Variants in RAB3D observed in about 807,000 individuals in gnomAD.
RAB3D encodes RAB3D, member RAS oncogene family.
Under a neutral mutation model 19.3 loss-of-function variants are expected in RAB3D, and 17 were observed. The ratio of observed to expected loss-of-function variants is 0.88; its 90% CI spans 0.60 to 1.32. RAB3D has a LOEUF of 1.32. Ranked by LOEUF, RAB3D falls within the 40% of genes most tolerant of loss-of-function variation. The probability of loss-of-function intolerance (pLI) is 0.00; values close to 1 mark genes in which losing one functional copy is unlikely to be tolerated. For synonymous variants in RAB3D, 103 were observed against 119.9 expected (o/e 0.86, Z 0.92); for missense variants, 223 against 299.1 (o/e 0.75, Z 1.88).
At position 11,336,999 on chromosome 19, in the gene RAB3D, C is replaced by G. The variant is rs548416513; in HGVS notation, c.228+173G>C. Among the ~76,000 whole-genome samples, 453 of 149,956 alleles carry G rather than the reference C, an allele frequency of 3.0e-3. 9 individuals are homozygous for G. Among genetic ancestry groups the G allele is most frequent in the African/African-American group, 0.011 (441 of 40,744 alleles). On this transcript the variant is annotated intron_variant, in intron 2 of 4. Coordinates refer to ENST00000222120, the MANE Select transcript of RAB3D (RefSeq NM_004283.4). ...GAAAAAAAAAAAAAAAAGGTCGAGG[C>G]AGGAGAATCGCTTGAACCCAGGAGA...
chr19:11,331,952 C>A (rs900528141), intron 4 of RAB3D, among the ~76,000 whole-genome samples: 1 of 152,142 alleles, frequency 6.6e-6, no homozygotes, highest in Admixed American at 6.6e-5. Context: ...ATAGATGATT[C>A]AAGATTGAAA....
Position 11,324,490 on chromosome 19 carries a change from A to G in RAB3D, c.*908T>C, listed in dbSNP as rs1330418027. ...GATTGGGCAAGAACTTGCTTAAAAC[A>G]CAACCAGCTAAACAGCTAAACAGGG... On this transcript the variant is annotated 3_prime_UTR_variant, in exon 5 of 5. Transcript: ENST00000222120. 7.3e-6 allele frequency: 1 copy of G among 136,840 alleles called. No individual in the cohort carries two copies. The highest frequency in any genetic ancestry group is 3.7e-5 in the African/African-American group (1 of 27,392). 8.5% of individuals were successfully genotyped at this position (136,840 alleles called of 1,614,324 possible). A position where few individuals can be genotyped will look rare whatever the true frequency, so the allele number is the denominator to read the frequency against.
intron 4 of RAB3D, among the ~76,000 whole-genome samples, chr19:11,332,794 T>TA (rs1213630662): frequency 6.6e-6 from 1 of 151,744 alleles, no homozygotes; most frequent in Non-Finnish European, 1.5e-5. Context: ...GTTATTTTTT[T>TA]AAAAAAGTGT....
In RAB3D at chr19:11,325,095, G is replaced by GT. The variant is rs1005682157; in HGVS notation, c.*302dup. 4.5e-5 allele frequency: 13 copies of GT among 288,092 alleles called. No individual in the cohort carries two copies. The Admixed American group carries it at 5.6e-4, about 12-fold the overall frequency. The allele number at this position is 288,092 out of a possible 1,614,324, so 17.8% of individuals were successfully genotyped here. A position where few individuals can be genotyped will look rare whatever the true frequency, so the allele number is the denominator to read the frequency against. ...GCCCCTCCATCAGAAAGAGTGGGACGTGTCACCCATGGCCACCCTCAACAC... is the reference window on the plus strand; with the variant it reads ...GCCCCTCCATCAGAAAGAGTGGGACGTTGTCACCCATGGCCACCCTCAACAC... On this transcript the variant is annotated 3_prime_UTR_variant, in exon 5 of 5. Coordinates refer to ENST00000222120, the MANE Select transcript of RAB3D (RefSeq NM_004283.4).
At chr19:11,330,731 T>C (rs954978409) in intron 4 of RAB3D, among the ~76,000 whole-genome samples, 1 of 152,078 alleles carries the variant, frequency 6.6e-6, no homozygotes, top group Non-Finnish European at 1.5e-5. Context: ...TTTGTATTTT[T>C]AGTAGAGACG....
intron 1 of RAB3D, among the ~76,000 whole-genome samples, chr19:11,337,838 T>A (rs911970993): frequency 1.3e-5 from 2 of 151,786 alleles, no homozygotes; most frequent in African/African-American, 2.4e-5. Context: ...CAGGCTAATT[T>A]AAAAAAAATT....
At position 11,324,592 on chromosome 19, in the gene RAB3D, T is replaced by TGCTAGGGGTTGG. The variant is rs1313309664; in HGVS notation, c.*794_*805dup. ...TCTGGCCGAAAGCCCAGAGCCGGAGTGCTAGGGGTTGGGCGAATCTCTGCC... is the reference window on the plus strand; with the variant it reads ...TCTGGCCGAAAGCCCAGAGCCGGAGTGCTAGGGGTTGGGCTAGGGGTTGGGCGAATCTCTGCC... On this transcript the variant is annotated 3_prime_UTR_variant, in exon 5 of 5. Transcript: ENST00000222120. 1 of 152,222 alleles carries TGCTAGGGGTTGG rather than the reference T, an allele frequency of 6.6e-6. No individual in the cohort carries two copies. 9.4% of individuals were successfully genotyped at this position (152,222 alleles called of 1,614,324 possible).
intron 4 of RAB3D, among the ~76,000 whole-genome samples, chr19:11,335,132 G>C (rs2080847660): frequency 6.6e-6 from 1 of 152,170 alleles, no homozygotes; most frequent in African/African-American, 2.4e-5. Flanking sequence ...TGAGACACCT[G>C]GGGGGGATCT....
chr19:11,331,819 A>T (rs1204402432), intron 4 of RAB3D, among the ~76,000 whole-genome samples: 1 of 151,904 alleles, frequency 6.6e-6, no homozygotes, highest in Non-Finnish European at 1.5e-5. Flanking sequence ...TCTATTATTT[A>T]AAAAACGACG....
intron 4 of RAB3D, among the ~76,000 whole-genome samples, chr19:11,333,766 T>C (rs2080843020): frequency 1.3e-5 from 2 of 151,774 alleles, no homozygotes; most frequent in Admixed American, 1.3e-4. Context: ...TGATATCGGC[T>C]CACTGCAGCC....
At chr19:11,336,410 G>A (rs1337207513) in intron 2 of RAB3D, among the ~76,000 whole-genome samples, 7 of 152,068 alleles carry the variant, frequency 4.6e-5, no homozygotes, top group Non-Finnish European at 7.4e-5. Context: ...CTGGGCTCAA[G>A]CAATCCTCTT....
In RAB3D at chr19:11,324,779, C is replaced by G. The variant is rs914382496; in HGVS notation, c.*619G>C. ...CGGGGGGTTGAGGGGATCTGACTCCCTGTCCCTTCTACAATGGGAAAAGGC... is the reference window on the plus strand; with the variant it reads ...CGGGGGGTTGAGGGGATCTGACTCCGTGTCCCTTCTACAATGGGAAAAGGC... On this transcript the variant is annotated 3_prime_UTR_variant, in exon 5 of 5. Coordinates refer to ENST00000222120, the MANE Select transcript of RAB3D (RefSeq NM_004283.4). The G allele has an allele frequency of 1.3e-5, 2 of 152,644 alleles. No homozygotes were observed. The highest frequency in any genetic ancestry group is 2.9e-5 in the Non-Finnish European group (2 of 68,094). 9.5% of individuals were successfully genotyped at this position (152,644 alleles called of 1,614,324 possible). A position where few individuals can be genotyped will look rare whatever the true frequency, so the allele number is the denominator to read the frequency against.
intron 4 of RAB3D, 86 bp from the exon 5 acceptor site, chr19:11,325,671 C>A (rs2080808567): frequency 1.4e-5 from 18 of 1,301,458 alleles, no homozygotes; most frequent in Non-Finnish European, 1.6e-5. Flanking sequence ...GGCTTCTAAG[C>A]CTAGTTCTGC....
intron 4 of RAB3D, among the ~76,000 whole-genome samples, chr19:11,329,633 A>C (rs2080828966): frequency 6.6e-6 from 1 of 151,896 alleles, no homozygotes; most frequent in Non-Finnish European, 1.5e-5. Flanking sequence ...ACAAAAGAAA[A>C]GAAAAAAAAA....
In RAB3D at chr19:11,324,389, T is replaced by A. The variant is rs1358743933; in HGVS notation, c.*1009A>T. ...CCCCCTCAAGTCGGAGCCCAGGTGCTTACATCAGAAAGTCGCCGACAACTG... is the reference window on the plus strand; with the variant it reads ...CCCCCTCAAGTCGGAGCCCAGGTGCATACATCAGAAAGTCGCCGACAACTG... On this transcript the variant is annotated 3_prime_UTR_variant, in exon 5 of 5. Transcript: ENST00000222120. 6.6e-6 allele frequency: 1 copy of A among 152,228 alleles called. No homozygotes were observed. The highest frequency in any genetic ancestry group is 1.5e-5 in the Non-Finnish European group (1 of 68,072). 9.4% of individuals were successfully genotyped at this position (152,228 alleles called of 1,614,324 possible).
chr19:11,337,767 C>T (rs1966910769), intron 1 of RAB3D, among the ~76,000 whole-genome samples: 1 of 151,634 alleles, frequency 6.6e-6, no homozygotes. Context: ...ACCTCCTGGG[C>T]TCGAGTGATC....
rs111306182 is a variant in RAB3D at position 11,324,527 on chromosome 19, GGCCCCA to G, written c.*865_*870del. ...ACAGCTAAACAGGGCCTGGGAGGGA[GGCCCCA>G]GCCCCAGGCTCCTGGCTCTGAGGTT... is the stretch of plus-strand genomic sequence containing the variant. On this transcript the variant is annotated 3_prime_UTR_variant, in exon 5 of 5. Transcript: ENST00000222120. 0.25 allele frequency: 37,813 copies of G among 152,210 alleles called. 9,152 individuals are homozygous for G. The highest frequency in any genetic ancestry group is 0.64 in the African/African-American group (26,346 of 41,192). The allele number at this position is 152,210 out of a possible 1,614,324, so 9.4% of individuals were successfully genotyped here.
chr19:11,338,021 C>T (rs904216529), intron 1 of RAB3D, among the ~76,000 whole-genome samples: 3 of 152,108 alleles, frequency 2.0e-5, no homozygotes, highest in Non-Finnish European at 2.9e-5. Context: ...CTCTGCCGGG[C>T]CCTGTTCTCT....
At chr19:11,338,544 T>G (rs1189084187) in intron 1 of RAB3D, among the ~76,000 whole-genome samples, 1 of 151,884 alleles carries the variant, frequency 6.6e-6, no homozygotes, top group Non-Finnish European at 1.5e-5. Context: ...GGGAAGGGGT[T>G]TTCTATGTAC....
Sources: gnomAD v4.1 joint callset for allele counts (sites outside exome capture counted in the v4.1 genomes callset) on GRCh38, gnomAD v4.1.1 for gene constraint, MANE v1.5 for transcripts, NCBI Gene and HGNC (gene_info 2026-07-23, HGNC 2026-07-21) for gene names.